TASP1: variants seen among roughly 807,000 people sequenced by gnomAD.
TASP1 encodes the protein threonine aspartase 1.
A neutral mutation model predicts 56.6 loss-of-function variants in TASP1; 16 were observed. That is an observed-to-expected ratio of 0.28 (90% CI 0.19 to 0.43). The LOEUF (loss-of-function observed/expected upper bound fraction) is 0.43. TASP1 is among the 20% of genes least tolerant of loss of function. The pLI, the probability that TASP1 is intolerant of heterozygous loss-of-function variation, is 1.00. For synonymous variants in TASP1, 179 were observed against 184.2 expected (o/e 0.97, Z 0.23); for missense variants, 393 against 511.6 (o/e 0.77, Z 2.24).
At chr20:13,292,377 T>C in the TASP1 span, 11 of 1,595,350 alleles carry the variant, frequency 6.9e-6, no homozygotes, top group Non-Finnish European at 9.4e-6. Context: ...TGTTTAGGAA[T>C]TGAAGACACT....
At chr20:13,151,468 G>A in the TASP1 span, among the ~76,000 whole-genome samples, 5,812 of 152,242 alleles carry the variant, frequency 0.038, 161 homozygotes, top group African/African-American at 0.08. Flanking sequence ...ACAATAAGCC[G>A]GATGCTCTCT....
chr20:13,299,408 C>T, the TASP1 span: 2 of 1,611,606 alleles, frequency 1.2e-6, no homozygotes, highest in Non-Finnish European at 8.5e-7. The surrounding 1 kb of genome is among the most constrained non-coding windows in gnomAD (Gnocchi z 5.8). Flanking sequence ...GCACAGAGAG[C>T]CCCTCGGACG....
rs116550048 is a variant in TASP1 at position 13,408,787 on chromosome 20, C to T, written c.1170+8661G>A. Among the ~76,000 whole-genome samples, 748 of 152,118 alleles carry T rather than the reference C, an allele frequency of 4.9e-3. 4 individuals carry two copies. Among genetic ancestry groups the T allele is most frequent in the African/African-American group, 0.015 (607 of 41,506 alleles). On this transcript the variant is annotated intron_variant, in intron 13 of 13. Transcript: ENST00000337743. The stretch of plus-strand genomic sequence containing the variant: ...CTGCCTCTGTTGAAATAAAGTTAGC[C>T]ACTTAATGCCTACAGAATCGGTGAA...
At chr20:13,255,348 C>T in the TASP1 span, among the ~76,000 whole-genome samples, 1 of 152,070 alleles carries the variant, frequency 6.6e-6, no homozygotes, top group Non-Finnish European at 1.5e-5. Context: ...TGTAATTTAC[C>T]CCATTGTACA....
rs559284284 is a variant in TASP1 at position 13,592,268 on chromosome 20, G to A, written c.283-4898C>T. ...AAAAATTAGCTGGGCATGGTGGCGG[G>A]CACCTGTAATCCCAGCTACTCGGGA... On this transcript the variant is annotated intron_variant, in intron 4 of 13. Coordinates refer to ENST00000337743, the MANE Select transcript of TASP1 (RefSeq NM_017714.3). 2.0e-5 allele frequency among the ~76,000 whole-genome samples: 3 copies of A among 151,684 alleles called. No homozygotes were observed. The East Asian group carries it at 5.8e-4, about 29-fold the overall frequency.
chr20:13,551,222 T>C (rs766255779), intron 8 of TASP1, among the ~76,000 whole-genome samples: 12 of 152,134 alleles, frequency 7.9e-5, no homozygotes, highest in South Asian at 2.1e-4. Context: ...TTTAACTTGT[T>C]TATTAAAAAT....
At chr20:13,274,820 G>A in the TASP1 span, among the ~76,000 whole-genome samples, 2,178 of 152,282 alleles carry the variant, frequency 0.014, 25 homozygotes, top group Non-Finnish European at 0.02. Flanking sequence ...TTTTAAGACT[G>A]GCTTCAAGCT....
the TASP1 span, among the ~76,000 whole-genome samples, chr20:13,148,392 G>C: frequency 6.6e-6 from 1 of 152,200 alleles, no homozygotes; most frequent in Non-Finnish European, 1.5e-5. Flanking sequence ...AGCCAAGATA[G>C]GTACACCCTT....
the TASP1 span, among the ~76,000 whole-genome samples, chr20:13,176,157 G>A: frequency 6.6e-6 from 1 of 152,158 alleles, no homozygotes; most frequent in Admixed American, 6.6e-5. Flanking sequence ...ATATATAGGA[G>A]AGTTTAACTG....
chr20:13,251,433 C>T, the TASP1 span, among the ~76,000 whole-genome samples: 28 of 152,134 alleles, frequency 1.8e-4, no homozygotes, highest in Non-Finnish European at 1.6e-4. Context: ...AAACATGCGT[C>T]GTGGAATCTC....
the TASP1 span, among the ~76,000 whole-genome samples, chr20:13,235,752 G>A: frequency 1.3e-5 from 2 of 152,098 alleles, no homozygotes; most frequent in Non-Finnish European, 2.9e-5. Context: ...GGTAGGAACT[G>A]TGCCTGCAAA....
chr20:13,241,801 T>C, the TASP1 span, among the ~76,000 whole-genome samples: 1 of 152,270 alleles, frequency 6.6e-6, no homozygotes, highest in African/African-American at 2.4e-5. Context: ...AAAGCAAGTT[T>C]GTCAAGTTGG....
chr20:13,266,102 A>T, the TASP1 span, among the ~76,000 whole-genome samples: 3 of 152,154 alleles, frequency 2.0e-5, no homozygotes, highest in African/African-American at 7.2e-5. Context: ...CTTACTCCTC[A>T]TGGGGCAGAA....
At chr20:13,430,448 C>T (rs1291426949) in intron 12 of TASP1, among the ~76,000 whole-genome samples, 2 of 152,148 alleles carry the variant, frequency 1.3e-5, no homozygotes, top group African/African-American at 4.8e-5. Flanking sequence ...CAGGAAGCCC[C>T]GGTTCCTCAG....
intron 4 of TASP1, among the ~76,000 whole-genome samples, chr20:13,601,973 T>G (rs1172465206): frequency 6.8e-6 from 1 of 147,874 alleles, no homozygotes; most frequent in Non-Finnish European, 1.5e-5. Context: ...GCCTCCTGGG[T>G]TCACGCCATT....
At chr20:13,599,166 TC>T (rs1384950989) in intron 4 of TASP1, among the ~76,000 whole-genome samples, 1 of 152,190 alleles carries the variant, frequency 6.6e-6, no homozygotes. Flanking sequence ...GACCCAGCGA[TC>T]CCATTACTGG....
At chr20:13,395,013 A>G (rs1038969618) in intron 13 of TASP1, among the ~76,000 whole-genome samples, 2 of 152,242 alleles carry the variant, frequency 1.3e-5, no homozygotes, top group Admixed American at 6.5e-5. Context: ...TCTAAGTAGT[A>G]GCTAAAATTT....
chr20:13,594,274 A>AT (rs1466000284), intron 4 of TASP1, among the ~76,000 whole-genome samples: 4 of 152,264 alleles, frequency 2.6e-5, no homozygotes, highest in Non-Finnish European at 5.9e-5. Flanking sequence ...ATGAGGAGAA[A>AT]CCAGAGCAGA....
chr20:13,432,884 C>G (rs996016211), intron 12 of TASP1, among the ~76,000 whole-genome samples: 1 of 152,136 alleles, frequency 6.6e-6, no homozygotes, highest in Non-Finnish European at 1.5e-5. Context: ...TACTGTGATA[C>G]TCCTTTTTAG....
Sources: allele counts gnomAD v4.1 joint callset (sites outside exome capture counted in the v4.1 genomes callset), GRCh38; gene constraint gnomAD v4.1.1; non-coding constraint Gnocchi (gnomAD v3.1); transcripts MANE v1.5; gene names NCBI Gene and HGNC (gene_info 2026-07-23, HGNC 2026-07-21).